EEF2: variants seen among roughly 807,000 people sequenced by gnomAD.
The protein encoded by EEF2 is elongation factor 2.
EEF2 carries 21 observed loss-of-function variants against 85.3 expected under a neutral mutation model. That is an observed-to-expected ratio of 0.25 (90% CI 0.17 to 0.35). The LOEUF (loss-of-function observed/expected upper bound fraction) is 0.35. Among genes scored for constraint, EEF2 ranks in the 10% least tolerant of loss-of-function variants. The pLI, the probability that EEF2 is intolerant of heterozygous loss-of-function variation, is 1.00. For missense variants in EEF2, 825 were observed against 1,225.3 expected (o/e 0.67, Z 4.88); for synonymous variants, 723 against 508.8 (o/e 1.42, Z -5.67).
Position 3,980,845 on chromosome 19 carries a change from G to A in EEF2, c.1146C>T (p.Ala382=). Reference sequence around the variant, plus strand: ...CCGGCCACCGGGACCACGTACCCATGGCAGCCTCGTCGTCCGGGGGCCCCT... The same window carrying A: ...CCGGCCACCGGGACCACGTACCCATAGCAGCCTCGTCGTCCGGGGGCCCCT... ...LYEGPPDDEA[A]MGIKSCDPKG... The change falls in exon 8 of 15, where the codon GCC becomes GCT. Residue 382 remains alanine, a synonymous_variant. Coordinates refer to ENST00000309311, the MANE Select transcript of EEF2 (RefSeq NM_001961.4). 6.4e-7 allele frequency: 1 copy of A among 1,569,336 alleles called. No individual in the cohort carries two copies. Among genetic ancestry groups the A allele is most frequent in the Non-Finnish European group, 8.6e-7 (1 of 1,158,716 alleles).
chr19:3,979,765 C>T (rs1161938281), intron 10 of EEF2, 43 bp downstream of exon 10: 2 of 1,592,898 alleles, frequency 1.3e-6, no homozygotes, highest in Admixed American at 1.7e-5. Flanking sequence ...CAAGCCGTCC[C>T]CCCTCAGGGT....
chr19:3,979,253 T>C, intron 11 of EEF2, 76 bp downstream of exon 11: 2 of 1,189,122 alleles, frequency 1.7e-6, no homozygotes, highest in South Asian at 2.5e-5. Flanking sequence ...CTGCAGAGCC[T>C]AGCTCAGCTC....
intron 9 of EEF2, 132 bp from the exon 10 acceptor site, chr19:3,980,198 C>T: frequency 7.6e-7 from 1 of 1,312,426 alleles, no homozygotes; most frequent in African/African-American, 1.5e-5. Flanking sequence ...TTCCACAAGG[C>T]CCTGACTGCT....
Position 3,979,312 on chromosome 19 carries a change from G to A in EEF2, c.1713+17C>T, listed in dbSNP as rs2039715953. Reference sequence around the variant, plus strand: ...TCCGGGGTGGGGCGTGGGGAAGGCTGGTCACTGGCGCCTCACCTTGATGGG... The same window carrying A: ...TCCGGGGTGGGGCGTGGGGAAGGCTAGTCACTGGCGCCTCACCTTGATGGG... On this transcript the variant is annotated intron_variant, in intron 11 of 14. Coordinates refer to ENST00000309311, the MANE Select transcript of EEF2 (RefSeq NM_001961.4). 5.0e-6 allele frequency: 8 copies of A among 1,605,494 alleles called. No individual in the cohort carries two copies. The highest frequency in any genetic ancestry group is 6.0e-6 in the Non-Finnish European group (7 of 1,172,490).
In EEF2 at chr19:3,977,392, C is replaced by CGGTG; in HGVS notation, c.2250+32_2250+35dup. On this transcript the variant is annotated intron_variant, in intron 13 of 14. Coordinates refer to ENST00000309311, the MANE Select transcript of EEF2 (RefSeq NM_001961.4). The surrounding 1 kb of genome is among the most constrained non-coding windows in gnomAD (Gnocchi z 5.4). ...ACCTGTCAGTGGCCGCTGGGCAGGA[C>CGGTG]GGTGGCAGGGTCAGCGGTGGGCGGG... 1 of 1,590,884 alleles carries CGGTG rather than the reference C, an allele frequency of 6.3e-7. No individual in the cohort carries two copies. Among genetic ancestry groups the CGGTG allele is most frequent in the Non-Finnish European group, 8.6e-7 (1 of 1,168,482 alleles).
chr19:3,985,162 C>G lies in EEF2; in HGVS notation c.3+216G>C, dbSNP rs574881790. The G allele has an allele frequency of 1.1e-5, 5 of 459,330 alleles. No homozygotes were observed. In the South Asian group the frequency reaches 3.5e-4, roughly 33 times the overall value. The allele number at this position is 459,330 out of a possible 1,614,324, so 28.5% of individuals were successfully genotyped here. ...CAACCCAGCTCCAACCAGGTCTGGG[C>G]AAGGTTATGGCGCCCTCGGAAACGG... On this transcript the variant is annotated intron_variant, in intron 1 of 14. Coordinates refer to ENST00000309311, the MANE Select transcript of EEF2 (RefSeq NM_001961.4).
rs1300763394 is a variant in EEF2 at position 3,976,378 on chromosome 19, T to G, written c.*176A>C. On this transcript the variant is annotated 3_prime_UTR_variant, in exon 15 of 15. Transcript: ENST00000309311. ...GCCTCCGGACTCTGGAAATAAATATTGAAAGAAACGGCATCAAGTGTTATG... is the reference window on the plus strand; with the variant it reads ...GCCTCCGGACTCTGGAAATAAATATGGAAAGAAACGGCATCAAGTGTTATG... 2.9e-6 allele frequency: 2 copies of G among 700,464 alleles called. No homozygotes were observed. The highest frequency in any genetic ancestry group is 4.1e-4 in the Middle Eastern group (1 of 2,448). 43.4% of individuals were successfully genotyped at this position (700,464 alleles called of 1,614,324 possible).
chr19:3,976,345 T>G lies in EEF2; in HGVS notation c.*209A>C, dbSNP rs1431749897. 3 of 331,284 alleles carry G rather than the reference T, an allele frequency of 9.1e-6. No individual in the cohort carries two copies. The highest frequency in any genetic ancestry group is 4.6e-5 in the African/African-American group (2 of 43,416). The allele number at this position is 331,284 out of a possible 1,614,324, so 20.5% of individuals were successfully genotyped here. A position where few individuals can be genotyped will look rare whatever the true frequency, so the allele number is the denominator to read the frequency against. On this transcript the variant is annotated 3_prime_UTR_variant, in exon 15 of 15. Transcript: ENST00000309311. ...CCATTAAGTCCCTACTAAGAGGGCG[T>G]GTCTGCTGCCTCCGGACTCTGGAAA...
intron 11 of EEF2, among the ~76,000 whole-genome samples, chr19:3,978,753 A>C (rs953983801): frequency 7.1e-6 from 1 of 140,020 alleles, no homozygotes; most frequent in African/African-American, 2.6e-5. Flanking sequence ...CAGTGAGCCA[A>C]GATCACGCCA....
intron 14 of EEF2, 145 bp from the exon 15 acceptor site, chr19:3,976,892 G>GT: frequency 9.8e-7 from 1 of 1,018,010 alleles, no homozygotes; most frequent in South Asian, 1.7e-5. Flanking sequence ...CTTCACGAAG[G>GT]GCCTAGCAGG....
intron 3 of EEF2, 30 bp downstream of exon 3, chr19:3,983,080 G>A (rs761091357): frequency 6.2e-7 from 1 of 1,612,108 alleles, no homozygotes; most frequent in Admixed American, 1.7e-5. Flanking sequence ...CCCGGTTCCA[G>A]GCCGTGCCTC....
At chr19:3,979,553 G>C (rs924528840) in intron 10 of EEF2, 117 bp from the exon 11 acceptor site, 1 of 998,008 alleles carries the variant, frequency 1.0e-6, no homozygotes, top group African/African-American at 1.6e-5. Flanking sequence ...GGAAGGTGCT[G>C]GGAAACTGGG....
Position 3,976,412 on chromosome 19 carries a change from AT to A in EEF2, c.*141del, listed in dbSNP as rs2039680380. ...CGGCATCAAGTGTTATGGTTGAGTG[AT>A]GGCACGCAGCGGGCCCCAGAAACCT... On this transcript the variant is annotated 3_prime_UTR_variant, in exon 15 of 15. Coordinates refer to ENST00000309311, the MANE Select transcript of EEF2 (RefSeq NM_001961.4). 9 of 844,716 alleles carry A rather than the reference AT, an allele frequency of 1.1e-5. No individual in the cohort carries two copies. The Middle Eastern group carries it at 1.1e-3, about 102-fold the overall frequency. 52.3% of individuals were successfully genotyped at this position (844,716 alleles called of 1,614,324 possible).
In EEF2 at chr19:3,982,301, G is replaced by A. The variant is rs1241825712; in HGVS notation, c.736C>T (p.Pro246Ser). 1.2e-6 allele frequency: 2 copies of A among 1,614,152 alleles called. No individual in the cohort carries two copies. Among genetic ancestry groups the A allele is most frequent in the East Asian group, 2.2e-5 (1 of 44,876 alleles). Reference sequence around the variant, plus strand: ...TCTACTTTCTTGGCCCGCTCGGCAGGCCCCAACTGGCCCTCCCCCTTGGCG... The same window carrying A: ...TCTACTTTCTTGGCCCGCTCGGCAGACCCCAACTGGCCCTCCCCCTTGGCG... ...FAAKGEGQLG[P>S]AERAKKVEDM... The change falls in exon 5 of 15, where the codon CCT (proline) becomes TCT (serine). Residue 246 changes from proline to serine, a missense_variant. Pro to Ser is a moderately conservative substitution (Grantham distance 74, BLOSUM62 -1). Coordinates refer to ENST00000309311, the MANE Select transcript of EEF2 (RefSeq NM_001961.4).
chr19:3,984,568 C>T (rs2039795906), intron 1 of EEF2, among the ~76,000 whole-genome samples: 1 of 152,180 alleles, frequency 6.6e-6, no homozygotes, highest in Admixed American at 6.5e-5. Flanking sequence ...TGATTGACAA[C>T]CCAGAAATAA....
chr19:3,976,405 T>C lies in EEF2; in HGVS notation c.*149A>G, dbSNP rs928577058. ...AAAGAAACGGCATCAAGTGTTATGG[T>C]TGAGTGATGGCACGCAGCGGGCCCC... On this transcript the variant is annotated 3_prime_UTR_variant, in exon 15 of 15. Transcript: ENST00000309311. 20 of 787,054 alleles carry C rather than the reference T, an allele frequency of 2.5e-5. No individual in the cohort carries two copies. Among genetic ancestry groups the C allele is most frequent in the African/African-American group, 1.2e-4 (7 of 56,164 alleles). The allele number at this position is 787,054 out of a possible 1,614,324, so 48.8% of individuals were successfully genotyped here. A position where few individuals can be genotyped will look rare whatever the true frequency, so the allele number is the denominator to read the frequency against.
rs143476437 is a variant in EEF2 at position 3,983,002 on chromosome 19, C to A, written c.417G>T (p.Thr139=). The A allele has an allele frequency of 4.3e-6, 7 of 1,612,614 alleles. No individual in the cohort carries two copies. The highest frequency in any genetic ancestry group is 5.9e-6 in the Non-Finnish European group (7 of 1,179,990). Residue 139 remains threonine, a synonymous_variant, in exon 4 of 15, where the codon ACG becomes ACT. Transcript: ENST00000309311. The part of the protein sequence containing the change: ...VDCVSGVCVQ[T]ETVLRQAIAE... ...CAATGGCCTGCCGCAGCACTGTCTC[C>A]GTCTGCACGCACACGCCTGGGGACA...
At chr19:3,984,653 G>T (rs1223979909) in intron 1 of EEF2, 1 of 369,970 alleles carries the variant, frequency 2.7e-6, no homozygotes. Context: ...CTCATTTGGG[G>T]CCAAACACGT....
rs2039680297 is a variant in EEF2 at position 3,976,404 on chromosome 19, G to C, written c.*150C>G. 4 of 809,838 alleles carry C rather than the reference G, an allele frequency of 4.9e-6. No homozygotes were observed. In the South Asian group the frequency reaches 5.4e-5, roughly 11 times the overall value. 50.2% of individuals were successfully genotyped at this position (809,838 alleles called of 1,614,324 possible). On this transcript the variant is annotated 3_prime_UTR_variant, in exon 15 of 15. Transcript: ENST00000309311. Reference sequence around the variant, plus strand: ...GAAAGAAACGGCATCAAGTGTTATGGTTGAGTGATGGCACGCAGCGGGCCC... The same window carrying C: ...GAAAGAAACGGCATCAAGTGTTATGCTTGAGTGATGGCACGCAGCGGGCCC...
Sources: allele counts gnomAD v4.1 joint callset (sites outside exome capture counted in the v4.1 genomes callset), GRCh38; gene constraint gnomAD v4.1.1; non-coding constraint Gnocchi (gnomAD v3.1); transcripts MANE v1.5; gene names NCBI Gene and HGNC (gene_info 2026-07-23, HGNC 2026-07-21).